Variants in OR8B2 observed in about 807,000 individuals in gnomAD.
OR8B2 encodes the protein olfactory receptor family 8 subfamily B member 2.
For missense variants in OR8B2, 304 were observed against 379.6 expected (o/e 0.80, Z 1.65); for synonymous variants, 98 against 138.2 (o/e 0.71, Z 2.04).
the OR8B2 span, chr11:124,396,233 G>A: frequency 7.5e-5 from 45 of 596,436 alleles, no homozygotes; most frequent in South Asian, 1.1e-3. Context: ...AAAATTGTGA[G>A]AAGTGCCAGA....
At chr11:124,388,827 CTTTT>C (rs145400784), upstream of OR8B2, among the ~76,000 whole-genome samples, 1 of 129,868 alleles carries the variant, frequency 7.7e-6, no homozygotes. Flanking sequence ...GTGTGAAATT[CTTTT>C]TTTTTTTTTT....
At chr11:124,394,437 G>C in the OR8B2 span, among the ~76,000 whole-genome samples, 5 of 152,144 alleles carry the variant, frequency 3.3e-5, no homozygotes, top group East Asian at 9.6e-4. Flanking sequence ...GAAGGCCTCA[G>C]ACCAGGATGA....
At chr11:124,391,776 TCCTGATACCAAAG>T in the OR8B2 span, among the ~76,000 whole-genome samples, 2 of 151,968 alleles carry the variant, frequency 1.3e-5, no homozygotes, top group South Asian at 2.1e-4. Flanking sequence ...GCTAGCATCA[TCCTGATACCAAAG>T]CCTGGCAGAG....
chr11:124,383,126 T>A lies in OR8B2; in HGVS notation c.218A>T (p.Tyr73Phe), dbSNP rs373992300. The change falls in exon 2 of 2, where the codon TAC becomes TTC. Residue 73 changes from tyrosine to phenylalanine, a missense_variant. Tyr to Phe is a conservative substitution (Grantham distance 22). Transcript: ENST00000641451. ...CATTTTGGGAGTGAAAACAGAGGAG[T>A]AACAGAGATCAATGAAGGAGAGATT... is the stretch of plus-strand genomic sequence containing the variant. ...LFNLSFIDLC[Y>F]SSVFTPKMLM... 8.1e-6 allele frequency: 13 copies of A among 1,613,404 alleles called. No individual in the cohort carries two copies. In the African/African-American group the frequency reaches 1.7e-4, roughly 22 times the overall value.
upstream of OR8B2, among the ~76,000 whole-genome samples, chr11:124,387,213 G>T (rs1860717161): frequency 6.6e-6 from 1 of 152,330 alleles, no homozygotes; most frequent in East Asian, 1.9e-4. Flanking sequence ...TAGGTTGCCT[G>T]TTCACTCTGA....
At chr11:124,396,687 A>T in the OR8B2 span, 1 of 1,613,866 alleles carries the variant, frequency 6.2e-7, no homozygotes, top group Admixed American at 1.7e-5. Context: ...AATGCTAGTG[A>T]CAATGAAAAC....
the OR8B2 span, among the ~76,000 whole-genome samples, chr11:124,390,420 C>T: frequency 6.6e-6 from 1 of 152,142 alleles, no homozygotes; most frequent in African/African-American, 2.4e-5. Context: ...TTATCTTAGG[C>T]CACACATAAA....
the OR8B2 span, among the ~76,000 whole-genome samples, chr11:124,389,733 A>T: frequency 2.0e-5 from 3 of 152,190 alleles, no homozygotes; most frequent in Non-Finnish European, 4.4e-5. Flanking sequence ...AGGGTTTGAC[A>T]TGTGCTAACT....
At chr11:124,389,057 C>T (rs1267661643), upstream of OR8B2, among the ~76,000 whole-genome samples, 2 of 152,040 alleles carry the variant, frequency 1.3e-5, no homozygotes, top group East Asian at 1.9e-4. Context: ...ATCTCTTGAC[C>T]TCATGATCCG....
At chr11:124,397,004 G>T in the OR8B2 span, 1 of 1,613,702 alleles carries the variant, frequency 6.2e-7, no homozygotes, top group Non-Finnish European at 8.5e-7. Context: ...ATGCCATTGA[G>T]GTCAACATGT....
upstream of OR8B2, among the ~76,000 whole-genome samples, chr11:124,389,470 G>T (rs907128988): frequency 6.6e-6 from 1 of 152,122 alleles, no homozygotes; most frequent in East Asian, 1.9e-4. Flanking sequence ...CTTCTTGTAT[G>T]CTGGACAAAG....
upstream of OR8B2, among the ~76,000 whole-genome samples, chr11:124,388,473 A>G (rs1481268054): frequency 6.6e-6 from 1 of 152,176 alleles, no homozygotes; most frequent in Non-Finnish European, 1.5e-5. Context: ...TAAGACTGCC[A>G]TCTTTAACCA....
chr11:124,393,029 A>T, the OR8B2 span, among the ~76,000 whole-genome samples: 1 of 145,814 alleles, frequency 6.9e-6, no homozygotes, highest in East Asian at 2.0e-4. Flanking sequence ...TTCCCTATTT[A>T]ATAAATGGTG....
At chr11:124,385,836 T>C (rs2134193692), upstream of OR8B2, among the ~76,000 whole-genome samples, 1 of 152,074 alleles carries the variant, frequency 6.6e-6, no homozygotes, top group Admixed American at 6.6e-5. Flanking sequence ...TCTCACTATG[T>C]TACCCAGGCT....
At chr11:124,384,041 A>C (rs1046374689) in intron 1 of OR8B2, among the ~76,000 whole-genome samples, 7 of 134,314 alleles carry the variant, frequency 5.2e-5, no homozygotes, top group South Asian at 2.6e-4. Flanking sequence ...ATTTGGGTAC[A>C]GTTATATTAG....
At chr11:124,396,759 A>T in the OR8B2 span, 1 of 1,613,838 alleles carries the variant, frequency 6.2e-7, no homozygotes, top group African/African-American at 1.3e-5. Flanking sequence ...AATGAGAACA[A>T]CCACCTCGTT....
At chr11:124,387,668 A>G (rs888212665), upstream of OR8B2, among the ~76,000 whole-genome samples, 27 of 148,266 alleles carry the variant, frequency 1.8e-4, no homozygotes, top group African/African-American at 6.3e-4. Context: ...GTAGCCTTGT[A>G]GTATAGTTTG....
At chr11:124,392,813 C>A in the OR8B2 span, among the ~76,000 whole-genome samples, 1 of 150,760 alleles carries the variant, frequency 6.6e-6, no homozygotes, top group Non-Finnish European at 1.5e-5. Flanking sequence ...CAAGTCAATC[C>A]TAAGCCAGAA....
At chr11:124,388,569 G>T (rs1181917845), upstream of OR8B2, among the ~76,000 whole-genome samples, 5 of 152,130 alleles carry the variant, frequency 3.3e-5, no homozygotes, top group Non-Finnish European at 7.4e-5. Context: ...AAGCTCCCAG[G>T]ACTTGACCAG....
Sources: gnomAD v4.1 joint callset for allele counts (sites outside exome capture counted in the v4.1 genomes callset) on GRCh38, gnomAD v4.1.1 for gene constraint, MANE v1.5 for transcripts, NCBI Gene and HGNC (gene_info 2026-07-23, HGNC 2026-07-21) for gene names.